The following MYL3 variants were observed in gnomAD, a reference collection of about 807,000 sequenced individuals.
MYL3 encodes the protein CMLC1.
A neutral mutation model predicts 21.3 loss-of-function variants in MYL3; 11 were observed. The ratio of observed to expected loss-of-function variants is 0.52; its 90% confidence interval spans 0.32 to 0.85. The LOEUF (loss-of-function observed/expected upper bound fraction) is 0.85. MYL3 is among the 40% of genes least tolerant of loss of function. The probability of loss-of-function intolerance (pLI) is 0.03; values close to 1 mark genes in which losing one functional copy is unlikely to be tolerated. For missense variants in MYL3, 206 were observed against 253.3 expected, an observed-to-expected ratio of 0.81 and a Z score of 1.27; for synonymous variants, 88 against 91.6, an observed-to-expected ratio of 0.96 and a Z score of 0.22.
rs1328691943 is a variant in MYL3 at position 46,874,285 on chromosome 3, T to C, written c.-217-7685A>G. Among the ~76,000 whole-genome samples, 1 of 152,166 alleles carries C rather than the reference T, an allele frequency of 6.6e-6. No individual in the cohort carries two copies. The highest frequency in any genetic ancestry group is 1.9e-4 in the East Asian group (1 of 5,188). On this transcript the variant is annotated intron_variant, in intron 1 of 3. Coordinates refer to the MYL3 transcript ENST00000431168. This position sits in a 1 kb window ranked among gnomAD's most constrained non-coding sequence, Gnocchi z 4.1. ...ATTCCAGCCCTAGAGACATTCCCAG[T>C]GTCCGCCAGCTCATTGCCTTGCCCC...
intron 1 of MYL3, 37 bp downstream of exon 1, chr3:46,863,225 C>G (rs914797535): frequency 6.2e-7 from 1 of 1,613,182 alleles, no homozygotes; most frequent in Non-Finnish European, 8.5e-7. Flanking sequence ...ACTCACTTGC[C>G]CTGCTCCTAT....
upstream of MYL3, among the ~76,000 whole-genome samples, chr3:46,863,681 C>T (rs958407438): frequency 6.6e-6 from 1 of 152,134 alleles, no homozygotes; most frequent in African/African-American, 2.4e-5. Flanking sequence ...AAGGCCACTG[C>T]TTAACACACA....
rs992439903 is a variant in MYL3, at chr3:46,861,074, G to A, written c.130-87C>T. 7.5e-6 allele frequency: 11 copies of A among 1,472,026 alleles called. No homozygotes were observed. Among genetic ancestry groups the A allele is most frequent in the Middle Eastern group, 1.7e-4 (1 of 5,798 alleles). 91.2% of individuals were successfully genotyped at this position (1,472,026 alleles called of 1,614,324 possible). A position where few individuals can be genotyped will look rare whatever the true frequency, so the allele number is the denominator to read the frequency against. On this transcript the variant is annotated intron_variant, in intron 1 of 6. Transcript: ENST00000292327. This position sits in a 1 kb window ranked among gnomAD's most constrained non-coding sequence, Gnocchi z 4.2. The stretch of plus-strand genomic sequence containing the variant: ...GGGCACTCGGTGGCCAGCCCAGAAT[G>A]TCAACTGTCTCAGCCTGTCCCATTC...
At chr3:46,865,648 G>A (rs939635029), upstream of MYL3, among the ~76,000 whole-genome samples, 2 of 152,190 alleles carry the variant, frequency 1.3e-5, no homozygotes, top group African/African-American at 4.8e-5. The surrounding 1 kb of genome is among the most constrained non-coding windows in gnomAD (Gnocchi z 4.3). Flanking sequence ...TGGCCCAAAT[G>A]GGGGTAAGCC....
In MYL3 at chr3:46,860,633, C is replaced by A. The variant is rs200526230; in HGVS notation, c.307+43G>T. ...GGATGGCAGCCCACCCAGCCAGTCTCCCCGGTACTAACACTATGGGGGCTC... is the reference window on the plus strand; with the variant it reads ...GGATGGCAGCCCACCCAGCCAGTCTACCCGGTACTAACACTATGGGGGCTC... On this transcript the variant is annotated intron_variant, in intron 3 of 6. Transcript: ENST00000292327. The surrounding 1 kb of genome is among the most constrained non-coding windows in gnomAD (Gnocchi z 4.6). The A allele has an allele frequency of 6.2e-7, 1 of 1,608,282 alleles. No individual in the cohort carries two copies. The highest frequency in any genetic ancestry group is 1.1e-5 in the South Asian group (1 of 91,004).
Position 46,860,627 on chromosome 3 carries a change from C to T in MYL3, c.307+49G>A. ...CAGGATGGATGGCAGCCCACCCAGC[C>T]AGTCTCCCCGGTACTAACACTATGG... On this transcript the variant is annotated intron_variant, in intron 3 of 6. Coordinates refer to ENST00000292327, the MANE Select transcript of MYL3 (RefSeq NM_000258.3). This position sits in a 1 kb window ranked among gnomAD's most constrained non-coding sequence, Gnocchi z 4.6. 3 of 1,606,600 alleles carry T rather than the reference C, an allele frequency of 1.9e-6. No homozygotes were observed. Among genetic ancestry groups the T allele is most frequent in the Non-Finnish European group, 2.5e-6 (3 of 1,179,490 alleles).
At chr3:46,867,264 C>A (rs936877941), upstream of MYL3, among the ~76,000 whole-genome samples, 8 of 152,002 alleles carry the variant, frequency 5.3e-5, no homozygotes, top group African/African-American at 1.9e-4. Context: ...GGACTCAAGC[C>A]CCAGGACTCT....
intron 1 of MYL3, among the ~76,000 whole-genome samples, chr3:46,878,328 C>T (rs540088672): frequency 6.6e-6 from 1 of 152,326 alleles, no homozygotes; most frequent in South Asian, 2.1e-4. Context: ...GGGCTCTTGC[C>T]TCAAAAAGTT....
rs566190825 is a variant in MYL3 at position 46,874,560 on chromosome 3, C to A, written c.-218+7514G>T. ...CTCCCTTCAAACCGCAGGGCCCAGC[C>A]GGCCTCTGGAACGCGTGCCCGGGAC... is the stretch of plus-strand genomic sequence containing the variant. On this transcript the variant is annotated intron_variant, in intron 1 of 3. Transcript: ENST00000431168. The surrounding 1 kb of genome is among the most constrained non-coding windows in gnomAD (Gnocchi z 4.1). 3.2e-4 allele frequency among the ~76,000 whole-genome samples: 48 copies of A among 152,314 alleles called. No homozygotes were observed. The highest frequency in any genetic ancestry group is 1.0e-3 in the African/African-American group (43 of 41,568).
At chr3:46,858,488 C>T (rs1186404739) in intron 4 of MYL3, 27 bp from the exon 5 acceptor site, 2 of 1,608,292 alleles carry the variant, frequency 1.2e-6, no homozygotes, top group Non-Finnish European at 1.7e-6. Flanking sequence ...GCTGAGTCAG[C>T]ACCGTGCGTG....
chr3:46,858,057 A>G lies in MYL3; in HGVS notation c.*58T>C. 1 of 742,128 alleles carries G rather than the reference A, an allele frequency of 1.3e-6. No homozygotes were observed. The highest frequency in any genetic ancestry group is 2.3e-6 in the Non-Finnish European group (1 of 433,258). 46.0% of individuals were successfully genotyped at this position (742,128 alleles called of 1,614,324 possible). On this transcript the variant is annotated 3_prime_UTR_variant, in exon 7 of 7. Coordinates refer to ENST00000292327, the MANE Select transcript of MYL3 (RefSeq NM_000258.3). Reference sequence around the variant, plus strand: ...ACTCCAGGCCGCTGGTGTCAGCATCACACATGGGAGATGAGACGTCCCTGC... The same window carrying G: ...ACTCCAGGCCGCTGGTGTCAGCATCGCACATGGGAGATGAGACGTCCCTGC...
intron 1 of MYL3, among the ~76,000 whole-genome samples, chr3:46,881,808 C>G (rs898770827): frequency 2.6e-5 from 4 of 152,074 alleles, no homozygotes; most frequent in Non-Finnish European, 5.9e-5. Flanking sequence ...CGACCCGGCC[C>G]GAACGGGAGC....
At chr3:46,867,342 T>C (rs532909909), upstream of MYL3, among the ~76,000 whole-genome samples, 2 of 152,238 alleles carry the variant, frequency 1.3e-5, no homozygotes, top group East Asian at 3.9e-4. Context: ...GCTGACGGAT[T>C]TCCAGATCAG....
Position 46,860,728 on chromosome 3 carries a change from C to T in MYL3, c.255G>A (p.Gln85=). The T allele has an allele frequency of 6.2e-7, 1 of 1,614,192 alleles. No homozygotes were observed. The highest frequency in any genetic ancestry group is 1.7e-5 in the Admixed American group (1 of 60,028). The change falls in exon 3 of 7, where the codon CAG becomes CAA. Residue 85 remains glutamine, a synonymous_variant. Coordinates refer to ENST00000292327, the MANE Select transcript of MYL3 (RefSeq NM_000258.3). The surrounding 1 kb of genome is among the most constrained non-coding windows in gnomAD (Gnocchi z 4.6). ...GGAGCACTTCTGCCTGTGTGGGGTT[C>T]TGGCCCAGCGCCCGCAGGACATCCC... ...QCGDVLRALG[Q]NPTQAEVLRV...
Position 46,870,510 on chromosome 3 carries a change from C to T in MYL3, c.-217-3910G>A, listed in dbSNP as rs1042826111. The stretch of plus-strand genomic sequence containing the variant: ...TACACCCAGGGCTCTCCCCACTCTG[C>T]CCCCGCCAGAACCAGCTGTGGCCTT... On this transcript the variant is annotated intron_variant, in intron 1 of 3. Coordinates refer to the MYL3 transcript ENST00000431168. 2.6e-5 allele frequency among the ~76,000 whole-genome samples: 4 copies of T among 152,100 alleles called. No individual in the cohort carries two copies. In the East Asian group the frequency reaches 5.8e-4, roughly 22 times the overall value.
upstream of MYL3, among the ~76,000 whole-genome samples, chr3:46,865,444 AC>A (rs1376090042): frequency 6.6e-6 from 1 of 151,934 alleles, no homozygotes; most frequent in Non-Finnish European, 1.5e-5. The surrounding 1 kb of genome is among the most constrained non-coding windows in gnomAD (Gnocchi z 4.3). Context: ...AGGCCTGCCG[AC>A]CCTCAGGACA....
At chr3:46,871,436 T>C (rs1006115707) in intron 1 of MYL3, among the ~76,000 whole-genome samples, 1 of 152,022 alleles carries the variant, frequency 6.6e-6, no homozygotes, top group African/African-American at 2.4e-5. Flanking sequence ...TCTTGGCACA[T>C]CCGGGCCAGA....
chr3:46,867,596 G>A (rs1019881439), upstream of MYL3, among the ~76,000 whole-genome samples: 6 of 152,162 alleles, frequency 3.9e-5, no homozygotes, highest in East Asian at 1.9e-4. Context: ...AAACAGGGTC[G>A]GGCTCCCCAC....
At chr3:46,869,483 A>G (rs1702083818) in intron 1 of MYL3, among the ~76,000 whole-genome samples, 1 of 152,174 alleles carries the variant, frequency 6.6e-6, no homozygotes, top group Non-Finnish European at 1.5e-5. Flanking sequence ...CATTTCCCCA[A>G]GGTTTCCCCA....
Sources: gnomAD v4.1 joint callset for allele counts (sites outside exome capture counted in the v4.1 genomes callset) on GRCh38, gnomAD v4.1.1 for gene constraint, Gnocchi (gnomAD v3.1) non-coding constraint, MANE v1.5 for transcripts, NCBI Gene and HGNC (gene_info 2026-07-23, HGNC 2026-07-21) for gene names.